Variants in SH3RF3 observed in about 807,000 individuals in gnomAD.
SH3RF3 encodes E3 ubiquitin-protein ligase SH3RF3.
Under a neutral mutation model 66.3 loss-of-function variants are expected in SH3RF3, and 29 were observed. The observed-to-expected ratio is 0.44, with a 90% confidence interval of 0.33 to 0.60. SH3RF3 has a LOEUF of 0.60. SH3RF3 is among the 20% of genes least tolerant of loss of function. The probability of loss-of-function intolerance (pLI) is 0.04; values close to 1 mark genes in which losing one functional copy is unlikely to be tolerated. For missense variants in SH3RF3, 1,194 were observed against 1,190.9 expected, an observed-to-expected ratio of 1.00 and a Z score of -0.04; for synonymous variants, 583 against 532.0, an observed-to-expected ratio of 1.10 and a Z score of -1.32.
chr2:109,412,148 C>T (rs998538181), intron 4 of SH3RF3, among the ~76,000 whole-genome samples: 3 of 152,234 alleles, frequency 2.0e-5, no homozygotes, highest in African/African-American at 7.2e-5. Flanking sequence ...GGTGAGCCTT[C>T]GGCCGCCGTG....
chr2:109,371,181 G>T (rs999620238), intron 2 of SH3RF3, among the ~76,000 whole-genome samples: 3 of 152,170 alleles, frequency 2.0e-5, no homozygotes, highest in Non-Finnish European at 4.4e-5. Context: ...CTGAGCTCAG[G>T]AGTTCAAAAC....
rs546758878 is a variant in SH3RF3 at position 109,235,562 on chromosome 2, A to G, written c.573+105449A>G. Among the ~76,000 whole-genome samples the G allele has an allele frequency of 1.6e-3, 250 of 152,344 alleles. 1 individual carries two copies. Among genetic ancestry groups the G allele is most frequent in the African/African-American group, 5.8e-3 (243 of 41,586 alleles). On this transcript the variant is annotated intron_variant, in intron 1 of 9. Transcript: ENST00000309415. Reference sequence around the variant, plus strand: ...GCAGGTGCTGCTGGAAGTGACTGGTAAGATGGTTCTCCTGGGTTTGAGAGA... The same window carrying G: ...GCAGGTGCTGCTGGAAGTGACTGGTGAGATGGTTCTCCTGGGTTTGAGAGA...
At chr2:109,402,126 G>T (rs2104452979) in intron 4 of SH3RF3, among the ~76,000 whole-genome samples, 1 of 152,372 alleles carries the variant, frequency 6.6e-6, no homozygotes, top group East Asian at 1.9e-4. Context: ...GCGGGCTCCA[G>T]TGTGCTGCTA....
intron 1 of SH3RF3, among the ~76,000 whole-genome samples, chr2:109,299,573 G>A (rs1681407046): frequency 6.6e-6 from 1 of 152,144 alleles, no homozygotes; most frequent in African/African-American, 2.4e-5. Flanking sequence ...CATCATCATG[G>A]GGTGACATTT....
At chr2:109,269,092 G>T (rs1034971963) in intron 1 of SH3RF3, among the ~76,000 whole-genome samples, 1 of 152,188 alleles carries the variant, frequency 6.6e-6, no homozygotes, top group Admixed American at 6.5e-5. Context: ...GAGCCACGAG[G>T]CACAAGGGCC....
chr2:109,435,124 T>C (rs1677363486), intron 6 of SH3RF3, among the ~76,000 whole-genome samples: 1 of 152,148 alleles, frequency 6.6e-6, no homozygotes, highest in Non-Finnish European at 1.5e-5. Flanking sequence ...GTAACTGCAG[T>C]GTCAGGAGGT....
At chr2:109,143,522 C>T (rs1252908619) in intron 1 of SH3RF3, among the ~76,000 whole-genome samples, 1 of 152,080 alleles carries the variant, frequency 6.6e-6, no homozygotes, top group Non-Finnish European at 1.5e-5. Flanking sequence ...ACAGGAAGAT[C>T]GCTTCAGCCC....
At position 109,400,073 on chromosome 2, in the gene SH3RF3, G is replaced by A. The variant is rs987858052; in HGVS notation, c.1299+1130G>A. ...CAGACACCAATAAGCAACTGGCTGG[G>A]AAGAACTGTCTTATTCAAAATCACA... On this transcript the variant is annotated intron_variant, in intron 4 of 9. Transcript: ENST00000309415. 1.4e-4 allele frequency among the ~76,000 whole-genome samples: 21 copies of A among 152,232 alleles called. 1 individual carries two copies. The highest frequency in any genetic ancestry group is 5.1e-4 in the African/African-American group (21 of 41,454).
At chr2:109,170,851 C>T (rs1225252476) in intron 1 of SH3RF3, among the ~76,000 whole-genome samples, 1 of 152,204 alleles carries the variant, frequency 6.6e-6, no homozygotes. Context: ...GCGCTTTTCT[C>T]CCCTCAGTAA....
intron 1 of SH3RF3, among the ~76,000 whole-genome samples, chr2:109,199,622 TGG>T: frequency 0.023 from 3 of 132 alleles, 1 homozygote; most frequent in African/African-American, 0.065. Context: ...TGGAATGGAA[TGG>T]AATGGAATGG....
At chr2:109,466,372 G>A (rs1678346793) in intron 8 of SH3RF3, among the ~76,000 whole-genome samples, 1 of 152,078 alleles carries the variant, frequency 6.6e-6, no homozygotes, top group South Asian at 2.1e-4. Context: ...TGAGTCCTGC[G>A]CCCAGCCTGT....
intron 1 of SH3RF3, among the ~76,000 whole-genome samples, chr2:109,208,085 G>A (rs1312476260): frequency 1.3e-5 from 2 of 150,498 alleles, no homozygotes; most frequent in Non-Finnish European, 2.9e-5. Flanking sequence ...CCTGTGCTGG[G>A]CACAGTGCTG....
rs1272937932 is a variant in SH3RF3 at position 109,343,663 on chromosome 2, TG to T, written c.574-4008del. Among the ~76,000 whole-genome samples, 5 of 151,976 alleles carry T rather than the reference TG, an allele frequency of 3.3e-5. 2 individuals are homozygous for T. The Middle Eastern group carries it at 0.01, about 314-fold the overall frequency. ...CAGCAGGTGGGTTGGGGCCAGCAGG[TG>T]GGTTACCACCTGTGGAGAGGTGGCC... is the stretch of plus-strand genomic sequence containing the variant. On this transcript the variant is annotated intron_variant, in intron 1 of 9. Coordinates refer to ENST00000309415, the MANE Select transcript of SH3RF3 (RefSeq NM_001099289.3).
At chr2:109,233,196 C>T (rs1003088727) in intron 1 of SH3RF3, among the ~76,000 whole-genome samples, 1 of 152,178 alleles carries the variant, frequency 6.6e-6, no homozygotes, top group Non-Finnish European at 1.5e-5. Context: ...CTTCTTACAC[C>T]TTGTCCTCTT....
At chr2:109,445,810 A>G (rs1417107679) in intron 7 of SH3RF3, among the ~76,000 whole-genome samples, 1 of 152,128 alleles carries the variant, frequency 6.6e-6, no homozygotes, top group Non-Finnish European at 1.5e-5. Context: ...GTGGGAAGCG[A>G]TACCCCTGAA....
intron 5 of SH3RF3, among the ~76,000 whole-genome samples, chr2:109,426,545 G>C (rs1406137335): frequency 1.3e-5 from 2 of 152,212 alleles, no homozygotes. Context: ...AACAGATGAG[G>C]AGTTGCTCCT....
intron 7 of SH3RF3, among the ~76,000 whole-genome samples, chr2:109,437,827 T>C (rs1306389536): frequency 6.6e-6 from 1 of 152,166 alleles, no homozygotes; most frequent in Non-Finnish European, 1.5e-5. Context: ...GGTGGCTTAG[T>C]GTTGAGCTAA....
intron 4 of SH3RF3, among the ~76,000 whole-genome samples, chr2:109,413,479 C>T (rs1676646152): frequency 6.6e-6 from 1 of 152,072 alleles, no homozygotes; most frequent in Admixed American, 6.6e-5. Context: ...TTTTTCCTGC[C>T]CTGTCTCTGT....
At chr2:109,432,816 C>A in intron 6 of SH3RF3, 145 bp downstream of exon 6, 1 of 1,140,410 alleles carries the variant, frequency 8.8e-7, no homozygotes, top group Non-Finnish European at 1.2e-6. Context: ...CCCCCACTGG[C>A]GTCCCCAGGC....
Sources: allele counts gnomAD v4.1 joint callset (sites outside exome capture counted in the v4.1 genomes callset), GRCh38; gene constraint gnomAD v4.1.1; transcripts MANE v1.5; gene names NCBI Gene and HGNC (gene_info 2026-07-23, HGNC 2026-07-21).